The following RIMKLB variants were observed in gnomAD, a reference collection of about 807,000 sequenced individuals.
RIMKLB encodes the protein ribosomal modification protein rimK like family member B.
In RIMKLB, 7 loss-of-function variants were observed where a neutral mutation model predicts 32.0. That is an observed-to-expected ratio of 0.22 (90% confidence interval 0.12 to 0.41). The LOEUF (loss-of-function observed/expected upper bound fraction) is 0.41, where lower values mean the gene tolerates loss of function less well. Among genes scored for constraint, RIMKLB ranks in the 10% least tolerant of loss-of-function variants. The pLI is 1.00. For synonymous variants in RIMKLB, 172 were observed against 185.1 expected, an observed-to-expected ratio of 0.93 and a Z score of 0.57; for missense variants, 289 against 498.7, an observed-to-expected ratio of 0.58 and a Z score of 4.00.
At chr12:8,728,429 A>G (rs1295455316) in intron 2 of RIMKLB, among the ~76,000 whole-genome samples, 4 of 152,162 alleles carry the variant, frequency 2.6e-5, no homozygotes, top group South Asian at 2.1e-4. Context: ...AGCCTTTGCT[A>G]CTGGACTACA....
intron 5 of RIMKLB, among the ~76,000 whole-genome samples, chr12:8,760,031 G>C (rs1949382553): frequency 6.6e-6 from 1 of 152,052 alleles, no homozygotes; most frequent in African/African-American, 2.4e-5. Context: ...GTGCCATGTT[G>C]GTGTGCTGCA....
At chr12:8,772,428 A>G (rs1368379642) in intron 5 of RIMKLB, among the ~76,000 whole-genome samples, 1 of 152,144 alleles carries the variant, frequency 6.6e-6, no homozygotes, top group Non-Finnish European at 1.5e-5. Flanking sequence ...TTTTGTTTTT[A>G]CATCAGGGCT....
intron 4 of RIMKLB, among the ~76,000 whole-genome samples, chr12:8,752,803 T>C (rs1244407598): frequency 6.6e-6 from 1 of 151,734 alleles, no homozygotes; most frequent in Non-Finnish European, 1.5e-5. Context: ...TGCAGTGGCG[T>C]GATTTCAGCT....
intron 1 of RIMKLB, among the ~76,000 whole-genome samples, chr12:8,686,096 G>A (rs752553442): frequency 2.0e-5 from 3 of 151,886 alleles, no homozygotes; most frequent in African/African-American, 7.2e-5. Context: ...ATGAGCCACC[G>A]CGCCCGGACT....
At chr12:8,743,382 G>C (rs999415136) in intron 2 of RIMKLB, among the ~76,000 whole-genome samples, 1 of 145,724 alleles carries the variant, frequency 6.9e-6, no homozygotes, top group Non-Finnish European at 1.5e-5. Flanking sequence ...AAAAAATTCC[G>C]GAAGTCCTAA....
intron 2 of RIMKLB, among the ~76,000 whole-genome samples, chr12:8,748,224 AGTTTTGCTTCCCATG>A (rs1168956242): frequency 7.9e-5 from 12 of 152,162 alleles, no homozygotes; most frequent in African/African-American, 2.9e-4. Flanking sequence ...CCCTAGCCAC[AGTTTTGCTTCCCATG>A]GTTTTGCATT....
chr12:8,772,618 G>T (rs1175771400), intron 5 of RIMKLB, among the ~76,000 whole-genome samples: 1 of 152,178 alleles, frequency 6.6e-6, no homozygotes, highest in African/African-American at 2.4e-5. Flanking sequence ...CACCTGTCCA[G>T]CTACTTCTGG....
intron 2 of RIMKLB, among the ~76,000 whole-genome samples, chr12:8,741,123 T>C (rs1947473989): frequency 6.6e-6 from 1 of 152,046 alleles, no homozygotes. Flanking sequence ...GAAGAATTGC[T>C]TGAACCCGGG....
At chr12:8,733,117 T>G (rs1301767360) in intron 2 of RIMKLB, among the ~76,000 whole-genome samples, 4 of 152,152 alleles carry the variant, frequency 2.6e-5, no homozygotes, top group Non-Finnish European at 4.4e-5. Context: ...CCCGTAGACA[T>G]TTTGTTTGAA....
chr12:8,716,681 T>C lies in RIMKLB; in HGVS notation c.175+2640T>C, dbSNP rs747010608. ...GTGGGGCTTCCCATGGCTTCAAATT[T>C]TAATGACTTTAGTTAGCCCTCTAGC... On this transcript the variant is annotated intron_variant, in intron 2 of 5. Coordinates refer to ENST00000535829, the MANE Select transcript of RIMKLB (RefSeq NM_001297776.2). 3.3e-5 allele frequency among the ~76,000 whole-genome samples: 5 copies of C among 150,516 alleles called. No homozygotes were observed. In the East Asian group the frequency reaches 9.7e-4, roughly 29 times the overall value.
chr12:8,710,279 T>TTTTGTTTG (rs1023309175), intron 1 of RIMKLB, among the ~76,000 whole-genome samples: 1 of 149,810 alleles, frequency 6.7e-6, no homozygotes, highest in Non-Finnish European at 1.5e-5. Flanking sequence ...TCCCCGCCAG[T>TTTTGTTTG]TTTGTTTGTT....
upstream of RIMKLB, among the ~76,000 whole-genome samples, chr12:8,694,426 C>T (rs775772155): frequency 2.1e-5 from 3 of 141,224 alleles, no homozygotes; most frequent in African/African-American, 8.3e-5. Context: ...GATGGAGTAC[C>T]CATCTGTTGC....
chr12:8,714,834 T>C (rs1470788169), intron 2 of RIMKLB, among the ~76,000 whole-genome samples: 3 of 152,208 alleles, frequency 2.0e-5, no homozygotes, highest in Non-Finnish European at 4.4e-5. Context: ...CAGAAAATAC[T>C]TCATAATTTA....
chr12:8,737,620 T>C (rs1295971411), intron 2 of RIMKLB, among the ~76,000 whole-genome samples: 1 of 152,202 alleles, frequency 6.6e-6, no homozygotes, highest in Non-Finnish European at 1.5e-5. Context: ...CAATCAATTA[T>C]GATGTTGTTA....
chr12:8,757,470 C>CA (rs55670138), intron 5 of RIMKLB, among the ~76,000 whole-genome samples: 6,189 of 71,208 alleles, frequency 0.087, 211 homozygotes, highest in African/African-American at 0.1. Flanking sequence ...GACCCTGTCT[C>CA]AAAAAAAAAA....
At position 8,775,988 on chromosome 12, in the gene RIMKLB, A is replaced by T; in HGVS notation, c.*2204A>T. 5.1e-6 allele frequency: 5 copies of T among 984,216 alleles called. No individual in the cohort carries two copies. The highest frequency in any genetic ancestry group is 4.8e-6 in the Non-Finnish European group (4 of 828,806). 61.0% of individuals were successfully genotyped at this position (984,216 alleles called of 1,614,324 possible). A position where few individuals can be genotyped will look rare whatever the true frequency, so the allele number is the denominator to read the frequency against. On this transcript the variant is annotated 3_prime_UTR_variant, in exon 6 of 6. Coordinates refer to ENST00000535829, the MANE Select transcript of RIMKLB (RefSeq NM_001297776.2). ...GGAGGATGCATACTATTTGGTATAGAGAAATAAATGAGGAAGAAAGAACTG... is the reference window on the plus strand; with the variant it reads ...GGAGGATGCATACTATTTGGTATAGTGAAATAAATGAGGAAGAAAGAACTG...
At chr12:8,705,476 CAAAAAA>C (rs10607711) in intron 1 of RIMKLB, among the ~76,000 whole-genome samples, 3 of 105,328 alleles carry the variant, frequency 2.8e-5, no homozygotes, top group African/African-American at 1.1e-4. Context: ...GACTCCATCT[CAAAAAA>C]AAAAAAAAAA....
chr12:8,741,028 G>A (rs1947464194), intron 2 of RIMKLB, among the ~76,000 whole-genome samples: 1 of 152,062 alleles, frequency 6.6e-6, no homozygotes, highest in South Asian at 2.1e-4. Context: ...CCGATATGGT[G>A]AAACCCCAGC....
chr12:8,726,375 T>G (rs1946008083), intron 2 of RIMKLB, among the ~76,000 whole-genome samples: 1 of 152,194 alleles, frequency 6.6e-6, no homozygotes, highest in Non-Finnish European at 1.5e-5. Context: ...CTTCTGCCCG[T>G]TTTTTTAGCT....
Sources: allele counts gnomAD v4.1 joint callset (sites outside exome capture counted in the v4.1 genomes callset), GRCh38; gene constraint gnomAD v4.1.1; transcripts MANE v1.5; gene names NCBI Gene and HGNC (gene_info 2026-07-23, HGNC 2026-07-21).